The following AATK variants were observed in gnomAD, a reference collection of about 807,000 sequenced individuals.
AATK encodes the protein serine/threonine-protein kinase LMTK1.
A neutral mutation model predicts 114.3 loss-of-function variants in AATK; 91 were observed. The ratio of observed to expected loss-of-function variants is 0.80; its 90% CI spans 0.67 to 0.95. AATK has a LOEUF of 0.95. AATK is among the 40% of genes least tolerant of loss of function. AATK has a pLI of 0.00. For missense variants in AATK, 2,176 were observed against 1,965.2 expected (o/e 1.11, Z -2.03); for synonymous variants, 1,075 against 916.5 (o/e 1.17, Z -3.12).
Position 81,120,545 on chromosome 17 carries a change from T to C in AATK, c.3391A>G (p.Lys1131Glu), listed in dbSNP as rs111744243. The change falls in exon 11 of 14, where the codon AAG (lysine) becomes GAG (glutamate). Residue 1131 changes from lysine (K) to glutamate (E), a missense_variant. Lys to Glu is a moderately conservative substitution (Grantham distance 56, BLOSUM62 1). Transcript: ENST00000326724. ...PGLLSGPAPQ[K>E]RMGGPGTPRA... ...GGGGTGCCTGGGCCCCCCATCCGCT[T>C]TTGTGGGGCCGGCCCTGACAACAGT... The C allele has an allele frequency of 2.7e-5, 40 of 1,491,178 alleles. No homozygotes were observed. The highest frequency in any genetic ancestry group is 3.5e-5 in the Non-Finnish European group (39 of 1,119,694). The allele number at this position is 1,491,178 out of a possible 1,614,324, so 92.4% of individuals were successfully genotyped here.
chr17:81,153,363 ACAGT>A (rs1567826151), intron 1 of AATK, among the ~76,000 whole-genome samples: 1 of 152,222 alleles, frequency 6.6e-6, no homozygotes, highest in East Asian at 1.9e-4. Context: ...AAGGCTTCTA[ACAGT>A]CAATTTGAAG....
intron 3 of AATK, among the ~76,000 whole-genome samples, chr17:81,129,978 A>AGCTGGGG (rs1373038874): frequency 2.0e-5 from 3 of 152,216 alleles, no homozygotes; most frequent in East Asian, 1.9e-4. Flanking sequence ...TTGGCTCCAA[A>AGCTGGGG]GCTGGGGGCT....
Position 81,118,122 on chromosome 17 carries a change from G to A in AATK, c.*280C>T, listed in dbSNP as rs2060590735. On this transcript the variant is annotated 3_prime_UTR_variant, in exon 14 of 14. Coordinates refer to ENST00000326724, the MANE Select transcript of AATK (RefSeq NM_001080395.3). ...GCACTGGCCCCTTTTGAGTGTGTAT[G>A]TGTGTACAGACACCCACTGTGGCTC... 2 of 492,710 alleles carry A rather than the reference G, an allele frequency of 4.1e-6. No individual in the cohort carries two copies. The highest frequency in any genetic ancestry group is 3.4e-5 in the Admixed American group (1 of 29,180). 30.5% of individuals were successfully genotyped at this position (492,710 alleles called of 1,614,324 possible).
intron 9 of AATK, among the ~76,000 whole-genome samples, chr17:81,124,520 C>T (rs996965537): frequency 2.0e-5 from 3 of 152,232 alleles, no homozygotes; most frequent in African/African-American, 7.2e-5. Flanking sequence ...CTTGACCCCA[C>T]CATGGGGTCC....
chr17:81,166,103 C>T lies in AATK; in HGVS notation c.-111G>A. The T allele has an allele frequency of 1.7e-6, 1 of 577,360 alleles. No homozygotes were observed. Among genetic ancestry groups the T allele is most frequent in the Non-Finnish European group, 2.2e-6 (1 of 460,164 alleles). 35.8% of individuals were successfully genotyped at this position (577,360 alleles called of 1,614,324 possible). A position where few individuals can be genotyped will look rare whatever the true frequency, so the allele number is the denominator to read the frequency against. On this transcript the variant is annotated 5_prime_UTR_variant, in exon 1 of 14. Transcript: ENST00000326724. Reference sequence around the variant, plus strand: ...GCGGCCGCCGCAGGTGCGGAGCGCGCCGGCCCCCGCGCCCCGCGCCCCCCG... The same window carrying T: ...GCGGCCGCCGCAGGTGCGGAGCGCGTCGGCCCCCGCGCCCCGCGCCCCCCG...
intron 2 of AATK, 68 bp downstream of exon 2, chr17:81,134,300 G>T: frequency 1.3e-6 from 2 of 1,580,784 alleles, no homozygotes; most frequent in Admixed American, 1.8e-5. Context: ...GGAAGCTCAG[G>T]GTCAAGTGGA....
At chr17:81,124,905 G>GGCCCCCCCCCCCCCCCCCCC in intron 8 of AATK, 25 bp downstream of exon 8, 1 of 1,503,270 alleles carries the variant, frequency 6.7e-7, no homozygotes, top group Non-Finnish European at 9.1e-7. Context: ...CTCATGCCCA[G>GGCCCCCCCCCCCCCCCCCCC]CCCAGCCCAC....
intron 1 of AATK, among the ~76,000 whole-genome samples, chr17:81,157,634 A>G (rs2725417): frequency 0.79 from 120,046 of 152,190 alleles, 47,523 homozygotes; most frequent in East Asian, 0.85. Flanking sequence ...ACTCACAAGG[A>G]ATGTCCCCTC....
At chr17:81,132,324 G>A (rs1481796393) in intron 2 of AATK, among the ~76,000 whole-genome samples, 1 of 152,188 alleles carries the variant, frequency 6.6e-6, no homozygotes, top group Non-Finnish European at 1.5e-5. Flanking sequence ...GGTGCAGTGG[G>A]AGGGGAGGCC....
intron 3 of AATK, 33 bp downstream of exon 3, chr17:81,131,028 G>A: frequency 1.3e-6 from 2 of 1,541,724 alleles, no homozygotes; most frequent in Non-Finnish European, 1.7e-6. Flanking sequence ...GGCCCCGGAG[G>A]GAGGCCACCC....
chr17:81,122,840 C>T lies in AATK; in HGVS notation c.1113-17G>A. 6.8e-7 allele frequency: 1 copy of T among 1,464,814 alleles called. No individual in the cohort carries two copies. Among genetic ancestry groups the T allele is most frequent in the South Asian group, 1.4e-5 (1 of 73,070 alleles). The allele number at this position is 1,464,814 out of a possible 1,614,324, so 90.7% of individuals were successfully genotyped here. A position where few individuals can be genotyped will look rare whatever the true frequency, so the allele number is the denominator to read the frequency against. On this transcript the variant is annotated splice_polypyrimidine_tract_variant and intron_variant, in intron 10 of 13. Transcript: ENST00000326724. ...ACCTCGTACCTGCGAGGAGGTCCCC[C>T]GGGGGCCACGTCAGAGGCAACGCTG...
At chr17:81,141,382 C>T (rs1454796587) in intron 1 of AATK, among the ~76,000 whole-genome samples, 1 of 152,184 alleles carries the variant, frequency 6.6e-6, no homozygotes. Flanking sequence ...ACCCAGGAGA[C>T]GGAGGTTGCG....
chr17:81,124,836 C>T lies in AATK; in HGVS notation c.853G>A (p.Val285Met), dbSNP rs528110691. 11 of 1,610,432 alleles carry T rather than the reference C, an allele frequency of 6.8e-6. No individual in the cohort carries two copies. Among genetic ancestry groups the T allele is most frequent in the South Asian group, 4.4e-5 (4 of 90,710 alleles). ...GGCACCCACAGCTGGTCGGCAGTCA[C>T]GAAGTAGTCCTCCTGTTGGCACAGG... is the stretch of plus-strand genomic sequence containing the variant. ...AHCKYREDYF[V>M]TADQLWVPLR... is the part of the protein sequence containing the mutation. The change falls in exon 9 of 14, where the codon GTG (valine) becomes ATG (methionine). Residue 285 changes from valine (V) to methionine (M), a missense_variant. By Grantham distance (21) the Val-to-Met change is conservative. This residue lies in a region of AATK where 273 missense variants were observed against 344.1 expected (regional missense o/e 0.79). Transcript: ENST00000326724.
intron 2 of AATK, chr17:81,132,730 T>C: frequency 7.3e-6 from 2 of 275,724 alleles, no homozygotes; most frequent in South Asian, 2.9e-5. Context: ...ATTGGGGGCC[T>C]GCCCAGCCCC....
chr17:81,150,456 G>A (rs1385416018), intron 1 of AATK, among the ~76,000 whole-genome samples: 4 of 106,326 alleles, frequency 3.8e-5, no homozygotes, highest in Non-Finnish European at 7.5e-5. Context: ...CAGTACCCCC[G>A]GCAGCTCACT....
chr17:81,126,866 G>C lies in AATK; in HGVS notation c.622-306C>G. On this transcript the variant is annotated intron_variant, in intron 6 of 13. Coordinates refer to ENST00000326724, the MANE Select transcript of AATK (RefSeq NM_001080395.3). The surrounding 1 kb of genome is among the most constrained non-coding windows in gnomAD (Gnocchi z 5.1). ...GGCCCAAGTGGATCTGCTTGATGGA[G>C]TCTGGGGCTGGTGGTCGAGGGTTGG... 8.4e-7 allele frequency: 1 copy of C among 1,193,498 alleles called. No homozygotes were observed. The highest frequency in any genetic ancestry group is 4.0e-5 in the Admixed American group (1 of 24,708). The allele number at this position is 1,193,498 out of a possible 1,614,324, so 73.9% of individuals were successfully genotyped here.
chr17:81,164,876 G>A lies in AATK; in HGVS notation c.55+1062C>T, dbSNP rs879376154. 5.9e-5 allele frequency among the ~76,000 whole-genome samples: 9 copies of A among 152,344 alleles called. 1 individual carries two copies. The highest frequency in any genetic ancestry group is 1.3e-4 in the Admixed American group (2 of 15,300). On this transcript the variant is annotated intron_variant, in intron 1 of 13. Coordinates refer to ENST00000326724, the MANE Select transcript of AATK (RefSeq NM_001080395.3). ...AGTGACACCCACAGCCCTAAGCCCA[G>A]CAGACAGACCTCCCACCAGCTCCCT...
At position 81,122,262 on chromosome 17, in the gene AATK, C is replaced by T; in HGVS notation, c.1674G>A (p.Ala558=). The change falls in exon 11 of 14, where the codon GCG becomes GCA. Residue 558 remains alanine (A), a synonymous_variant. Coordinates refer to ENST00000326724, the MANE Select transcript of AATK (RefSeq NM_001080395.3). ...AGCAPSPPAT[A]DQDDDSDGST... ...TGCCGTCAGAGTCGTCGTCCTGGTC[C>T]GCGGTGGCAGGTGGACTGGGGGCGC... 1 of 1,493,710 alleles carries T rather than the reference C, an allele frequency of 6.7e-7. No individual in the cohort carries two copies. 92.5% of individuals were successfully genotyped at this position (1,493,710 alleles called of 1,614,324 possible).
At chr17:81,132,697 C>T (rs1362525373) in intron 2 of AATK, 4 of 332,106 alleles carry the variant, frequency 1.2e-5, no homozygotes, top group East Asian at 9.3e-5. Flanking sequence ...ATACAGCGTG[C>T]AATCAGGTAG....
Sources: gnomAD v4.1 joint callset for allele counts (sites outside exome capture counted in the v4.1 genomes callset) on GRCh38, gnomAD v4.1.1 for gene constraint, gnomAD v4.1.1 regional missense constraint, Gnocchi (gnomAD v3.1) non-coding constraint, MANE v1.5 for transcripts, NCBI Gene and HGNC (gene_info 2026-07-23, HGNC 2026-07-21) for gene names.